CAST: variants seen among roughly 807,000 people sequenced by gnomAD.
The protein encoded by CAST is calpastatin.
A neutral mutation model predicts 119.6 loss-of-function variants in CAST; 76 were observed. The ratio of observed to expected loss-of-function variants is 0.64; its 90% CI spans 0.53 to 0.77. The LOEUF is 0.77. CAST is among the 30% of genes least tolerant of loss of function. The probability of loss-of-function intolerance (pLI) is 0.00; values close to 1 mark genes in which losing one functional copy is unlikely to be tolerated. For synonymous variants in CAST, 319 were observed against 331.6 expected (o/e 0.96, Z 0.41); for missense variants, 953 against 946.5 (o/e 1.01, Z -0.09).
At chr5:96,466,119 C>T in the CAST span, among the ~76,000 whole-genome samples, 22 of 152,146 alleles carry the variant, frequency 1.4e-4, no homozygotes, top group African/African-American at 4.6e-4. Context: ...GAATTTCTAA[C>T]GCATGTAACA....
chr5:96,475,511 T>C, the CAST span, among the ~76,000 whole-genome samples: 10 of 152,140 alleles, frequency 6.6e-5, no homozygotes, highest in East Asian at 1.9e-3. Flanking sequence ...CCCAGCAGCT[T>C]TTCCTGTGAA....
the CAST span, among the ~76,000 whole-genome samples, chr5:96,144,902 C>T: frequency 5.3e-5 from 8 of 151,884 alleles, no homozygotes; most frequent in South Asian, 2.1e-4. Flanking sequence ...TTTTATATAC[C>T]GAACACTTTG....
At chr5:96,358,848 T>C in the CAST span, among the ~76,000 whole-genome samples, 2 of 152,336 alleles carry the variant, frequency 1.3e-5, no homozygotes, top group South Asian at 4.1e-4. Flanking sequence ...CTCTTAGGTC[T>C]ACTTGGTCTG....
chr5:96,541,138 T>G (rs1208664144), intron 1 of CAST, among the ~76,000 whole-genome samples: 1 of 152,208 alleles, frequency 6.6e-6, no homozygotes, highest in Non-Finnish European at 1.5e-5. Context: ...GAGAAACTTG[T>G]GTCCTCTCTC....
chr5:96,709,499 T>G (rs868800552), intron 3 of CAST, among the ~76,000 whole-genome samples: 14 of 152,234 alleles, frequency 9.2e-5, no homozygotes, highest in African/African-American at 3.4e-4. Context: ...ATGTTAAATT[T>G]TATTCAGTAT....
chr5:96,707,464 G>A (rs886571832), intron 3 of CAST, among the ~76,000 whole-genome samples: 9 of 151,648 alleles, frequency 5.9e-5, no homozygotes, highest in Admixed American at 6.6e-5. Flanking sequence ...TCGGCTCACT[G>A]CAGCCTCCAC....
At chr5:96,419,405 CACTT>C in the CAST span, among the ~76,000 whole-genome samples, 3 of 147,988 alleles carry the variant, frequency 2.0e-5, no homozygotes, top group Admixed American at 6.8e-5. Context: ...TATATAAACT[CACTT>C]AATACCTCTC....
At chr5:96,483,001 A>T in the CAST span, among the ~76,000 whole-genome samples, 1 of 152,166 alleles carries the variant, frequency 6.6e-6, no homozygotes, top group South Asian at 2.1e-4. Context: ...ACAAAATAAT[A>T]GTGTTACTTA....
At position 96,712,761 on chromosome 5, in the gene CAST, TCC is replaced by T. The variant is rs201654928; in HGVS notation, c.211-9875_211-9874del. ...TTTCCAGAATAACATTTTATTTCAC[TCC>T]CCATTTTCATGTTGGTTATTTGACA... is the stretch of plus-strand genomic sequence containing the variant. On this transcript the variant is annotated intron_variant, in intron 3 of 31. Transcript: ENST00000675179. Among the ~76,000 whole-genome samples the T allele has an allele frequency of 3.9e-3, 591 of 152,338 alleles. 9 individuals are homozygous for T. The highest frequency in any genetic ancestry group is 0.033 in the South Asian group (158 of 4,830).
At chr5:95,982,959 G>T in the CAST span, among the ~76,000 whole-genome samples, 1 of 152,118 alleles carries the variant, frequency 6.6e-6, no homozygotes, top group South Asian at 2.1e-4. Context: ...AATATGTTCA[G>T]TTCTATACCA....
the CAST span, among the ~76,000 whole-genome samples, chr5:96,109,933 TA>T: frequency 0.029 from 4,199 of 146,600 alleles, 171 homozygotes; most frequent in African/African-American, 0.095. Context: ...GTAAAAATGA[TA>T]AAAAAAAAAG....
chr5:96,499,432 T>C, the CAST span, among the ~76,000 whole-genome samples: 1 of 152,222 alleles, frequency 6.6e-6, no homozygotes. Context: ...TGTGTCTTAA[T>C]TTTAAAACTA....
chr5:96,763,586 C>T (rs1291316485), intron 25 of CAST, among the ~76,000 whole-genome samples: 3 of 152,146 alleles, frequency 2.0e-5, no homozygotes, highest in African/African-American at 7.2e-5. Flanking sequence ...TCACATTTCC[C>T]ATCAGAGAGG....
chr5:96,130,024 T>TC, the CAST span, among the ~76,000 whole-genome samples: 1 of 149,744 alleles, frequency 6.7e-6, no homozygotes, highest in East Asian at 2.0e-4. Context: ...ACACACACTT[T>TC]TTTTTTTTTT....
chr5:96,043,922 A>C, the CAST span, among the ~76,000 whole-genome samples: 1 of 152,236 alleles, frequency 6.6e-6, no homozygotes, highest in Non-Finnish European at 1.5e-5. Flanking sequence ...GCCCTGCTTC[A>C]CTGACAAGCA....
chr5:96,035,486 C>T, the CAST span, among the ~76,000 whole-genome samples: 1 of 151,786 alleles, frequency 6.6e-6, no homozygotes, highest in African/African-American at 2.4e-5. Flanking sequence ...ATTATAATCT[C>T]CAAGGGATGG....
chr5:96,400,602 G>C, the CAST span, among the ~76,000 whole-genome samples: 1 of 152,134 alleles, frequency 6.6e-6, no homozygotes. Context: ...ACCCACAGAC[G>C]AGGCCTTGAC....
the CAST span, among the ~76,000 whole-genome samples, chr5:96,501,433 T>A: frequency 1.3e-5 from 2 of 152,152 alleles, no homozygotes; most frequent in Non-Finnish European, 2.9e-5. Flanking sequence ...AACGTTAATA[T>A]CTGACAAAAT....
the CAST span, among the ~76,000 whole-genome samples, chr5:96,388,447 C>T: frequency 6.6e-6 from 1 of 152,166 alleles, no homozygotes; most frequent in South Asian, 2.1e-4. Flanking sequence ...CTCCTCACAG[C>T]GCTGGGTCAC....
Sources: allele counts gnomAD v4.1 joint callset (sites outside exome capture counted in the v4.1 genomes callset), GRCh38; gene constraint gnomAD v4.1.1; transcripts MANE v1.5; gene names NCBI Gene and HGNC (gene_info 2026-07-23, HGNC 2026-07-21).